CALN1: variants seen among roughly 807,000 people sequenced by gnomAD.
CALN1 encodes calneuron 1, also known as calcium-binding protein 8.
A neutral mutation model predicts 30.6 loss-of-function variants in CALN1; 17 were observed. That is an observed-to-expected ratio of 0.56 (90% CI 0.38 to 0.83). CALN1 has a LOEUF of 0.83. Ranked by LOEUF, CALN1 falls within the 40% of genes least tolerant of loss-of-function variation. The pLI is 0.00. For missense variants in CALN1, 291 were observed against 354.9 expected (o/e 0.82, Z 1.45); for synonymous variants, 156 against 131.4 (o/e 1.19, Z -1.28).
intron 2 of CALN1, among the ~76,000 whole-genome samples, chr7:72,367,943 C>T (rs1015109031): frequency 2.0e-5 from 3 of 151,956 alleles, no homozygotes; most frequent in Admixed American, 6.6e-5. Flanking sequence ...ACCATCCTGG[C>T]TAGCACAGTA....
chr7:71,893,271 T>C (rs575966700), intron 5 of CALN1, among the ~76,000 whole-genome samples: 1 of 152,228 alleles, frequency 6.6e-6, no homozygotes, highest in African/African-American at 2.4e-5. Context: ...CTATGGATGC[T>C]GCTAAACACC....
At chr7:71,823,401 C>T (rs1408607298) in intron 5 of CALN1, among the ~76,000 whole-genome samples, 1 of 152,132 alleles carries the variant, frequency 6.6e-6, no homozygotes, top group African/African-American at 2.4e-5. Flanking sequence ...TAAAGACATA[C>T]CCGACCCTGG....
intron 2 of CALN1, among the ~76,000 whole-genome samples, chr7:72,342,258 CAAA>C (rs35193419): frequency 2.4e-5 from 3 of 126,636 alleles, no homozygotes; most frequent in African/African-American, 2.9e-5. Context: ...GACTTTGTCT[CAAA>C]AAAAAAAAAA....
chr7:72,264,954 T>G (rs1422099568), intron 3 of CALN1, among the ~76,000 whole-genome samples: 3 of 152,166 alleles, frequency 2.0e-5, no homozygotes, highest in African/African-American at 7.2e-5. Flanking sequence ...TTCCTGTTCT[T>G]GCGTTAGTTT....
At chr7:72,240,714 T>C (rs112022329) in intron 3 of CALN1, among the ~76,000 whole-genome samples, 4 of 152,318 alleles carry the variant, frequency 2.6e-5, no homozygotes, top group African/African-American at 7.2e-5. Context: ...GGCCCTATAG[T>C]CAGCTGGCAA....
chr7:71,962,218 C>T (rs1471794592), intron 5 of CALN1, among the ~76,000 whole-genome samples: 2 of 143,070 alleles, frequency 1.4e-5, no homozygotes, highest in African/African-American at 5.5e-5. Context: ...CACAGCAAGA[C>T]CCCATCTCTA....
intron 2 of CALN1, among the ~76,000 whole-genome samples, chr7:72,386,965 G>T (rs1218838763): frequency 6.6e-6 from 1 of 151,324 alleles, no homozygotes; most frequent in Non-Finnish European, 1.5e-5. Context: ...TCAGCTGAGG[G>T]GACCTAGAAA....
chr7:71,910,759 C>T (rs536482160), intron 5 of CALN1, among the ~76,000 whole-genome samples: 1 of 152,286 alleles, frequency 6.6e-6, no homozygotes, highest in African/African-American at 2.4e-5. Flanking sequence ...CTGAAGCTAC[C>T]CTTGTTTCCT....
chr7:72,219,697 A>AC (rs1249231025), intron 3 of CALN1, among the ~76,000 whole-genome samples: 53 of 147,724 alleles, frequency 3.6e-4, no homozygotes, highest in African/African-American at 1.2e-3. Flanking sequence ...GCACACATGC[A>AC]ATGCACACAC....
At chr7:72,186,095 C>T (rs1305290939) in intron 3 of CALN1, among the ~76,000 whole-genome samples, 1 of 152,062 alleles carries the variant, frequency 6.6e-6, no homozygotes, top group East Asian at 1.9e-4. Flanking sequence ...CACAGTGATG[C>T]ATGGCCATGA....
intron 2 of CALN1, among the ~76,000 whole-genome samples, chr7:72,382,122 C>G (rs976670784): frequency 2.0e-5 from 3 of 152,130 alleles, no homozygotes; most frequent in Non-Finnish European, 2.9e-5. Context: ...TGGATGGACC[C>G]TAAGAGGAAT....
chr7:72,336,958 C>G, intron 2 of CALN1: 1 of 985,212 alleles, frequency 1.0e-6, no homozygotes, highest in Non-Finnish European at 1.2e-6. Context: ...CTCGTCGACT[C>G]GGAGCGCGAT....
At position 71,783,295 on chromosome 7, in the gene CALN1, AG is replaced by A. The variant is rs1792814021; in HGVS notation, c.*4479del. The A allele has an allele frequency of 6.6e-6, 1 of 152,166 alleles. No individual in the cohort carries two copies. The highest frequency in any genetic ancestry group is 2.4e-5 in the African/African-American group (1 of 41,448). The allele number at this position is 152,166 out of a possible 1,614,324, so 9.4% of individuals were successfully genotyped here. A position where few individuals can be genotyped will look rare whatever the true frequency, so the allele number is the denominator to read the frequency against. On this transcript the variant is annotated 3_prime_UTR_variant, in exon 7 of 7. Coordinates refer to ENST00000395275, the MANE Select transcript of CALN1 (RefSeq NM_031468.4). ...GATGTGTGACGTGCTGAAGTCTAAA[AG>A]TTTCATCTCAGTTCATCTGTACCAT...
chr7:71,846,136 G>T (rs1342976669), intron 5 of CALN1, among the ~76,000 whole-genome samples: 1 of 152,144 alleles, frequency 6.6e-6, no homozygotes, highest in African/African-American at 2.4e-5. Flanking sequence ...GCAAAGGAGG[G>T]TTGAACATTC....
chr7:72,408,171 A>G (rs1433634233), intron 1 of CALN1, among the ~76,000 whole-genome samples: 7 of 151,662 alleles, frequency 4.6e-5, no homozygotes, highest in African/African-American at 1.7e-4. Flanking sequence ...GGAGGCTCAC[A>G]TCTGTAATCC....
At chr7:72,314,844 A>G (rs570629269) in intron 2 of CALN1, among the ~76,000 whole-genome samples, 1 of 151,450 alleles carries the variant, frequency 6.6e-6, no homozygotes, top group Admixed American at 6.6e-5. Flanking sequence ...TTGTTAAAAA[A>G]AAAAAAACAA....
intron 5 of CALN1, among the ~76,000 whole-genome samples, chr7:71,844,016 T>C (rs1166362078): frequency 6.6e-6 from 1 of 152,042 alleles, no homozygotes; most frequent in Non-Finnish European, 1.5e-5. Context: ...GTTGATTTGC[T>C]GCACTGGGCA....
intron 3 of CALN1, among the ~76,000 whole-genome samples, chr7:72,165,929 A>C (rs1788494652): frequency 6.6e-6 from 1 of 152,178 alleles, no homozygotes; most frequent in African/African-American, 2.4e-5. Flanking sequence ...TAGGCATGTT[A>C]GGATCAACCA....
At chr7:72,212,922 T>C (rs148783039) in intron 3 of CALN1, among the ~76,000 whole-genome samples, 27 of 152,354 alleles carry the variant, frequency 1.8e-4, no homozygotes, top group African/African-American at 6.0e-4. Context: ...GTGGGCCACC[T>C]TCCACATGGA....
Sources: gnomAD v4.1 joint callset for allele counts (sites outside exome capture counted in the v4.1 genomes callset) on GRCh38, gnomAD v4.1.1 for gene constraint, MANE v1.5 for transcripts, NCBI Gene and HGNC (gene_info 2026-07-23, HGNC 2026-07-21) for gene names.